The following F8 variants were observed in gnomAD, a reference collection of about 807,000 sequenced individuals.
F8 encodes the protein antihemophilic factor.
F8 carries 12 observed loss-of-function variants against 140.6 expected under a neutral mutation model. That is an observed-to-expected ratio of 0.09 (90% CI 0.05 to 0.14). F8 has a LOEUF of 0.14. Ranked by LOEUF, F8 falls within the 10% of genes least tolerant of loss-of-function variation. The pLI is 1.00. For synonymous variants in F8, 585 were observed against 614.6 expected (o/e 0.95, Z 0.71); for missense variants, 1,354 against 1,720.7 (o/e 0.79, Z 3.77).
intron 22 of F8, among the ~76,000 whole-genome samples, chrX:154,881,627 G>A (rs1195564518): frequency 9.2e-6 from 1 of 108,898 alleles, no homozygotes; most frequent in Non-Finnish European, 1.9e-5. Context: ...TCTTAATCAT[G>A]TACAAAAAGG....
chrX:154,909,612 G>A (rs898662435), intron 14 of F8: 12 of 118,034 alleles, frequency 1.0e-4, no homozygotes, highest in African/African-American at 3.9e-4. Context: ...AGAAGGGCAT[G>A]CTCATGGGTC....
chrX:154,930,824 C>T lies in F8; in HGVS notation c.2966G>A (p.Gly989Asp). 4.1e-6 allele frequency: 5 copies of T among 1,209,994 alleles called. No homozygotes were observed. The highest frequency in any genetic ancestry group is 5.6e-6 in the Non-Finnish European group (5 of 894,005). ...AGCTCTTTTCCCTTTAAATAACCTA[C>T]CACTCTCTGTTGACGATACATTTTT... ...WGKNVSSTES[G>D]RLFKGKRAHG... Residue 989 changes from glycine (G) to aspartate (D), a missense_variant, in exon 14 of 26, where the codon GGT (glycine) becomes GAT (aspartate). By Grantham distance (94) the Gly-to-Asp change is moderately conservative. Around this residue, in one of 4 missense-constraint regions of F8, gnomAD observed 658 missense variants for 666.5 expected, o/e 0.99. Coordinates refer to ENST00000360256, the MANE Select transcript of F8 (RefSeq NM_000132.4).
In F8 at chrX:154,966,948, C is replaced by A. The variant is rs1034723361; in HGVS notation, c.1010-261G>T. Among the ~76,000 whole-genome samples, 3 of 110,277 alleles carry A rather than the reference C, an allele frequency of 2.7e-5. No homozygotes were observed. In the Admixed American group the frequency reaches 2.9e-4, roughly 11 times the overall value. On this transcript the variant is annotated intron_variant, in intron 7 of 25. Coordinates refer to ENST00000360256, the MANE Select transcript of F8 (RefSeq NM_000132.4). ...AGAGAGTGCAAGTTGCCACACACTT[C>A]TGAATGACCAAATATCATGAAGACA...
At chrX:154,972,776 C>T (rs1328157663) in intron 6 of F8, among the ~76,000 whole-genome samples, 2 of 89,022 alleles carry the variant, frequency 2.2e-5, no homozygotes, top group Non-Finnish European at 4.1e-5. Context: ...AGTGCAATAG[C>T]ACGATCTAGG....
At chrX:154,940,931 G>T (rs2073258638) in intron 13 of F8, among the ~76,000 whole-genome samples, 1 of 111,581 alleles carries the variant, frequency 9.0e-6, no homozygotes, top group Admixed American at 9.5e-5. Flanking sequence ...CATAAGTGAA[G>T]GAGAAATAAA....
chrX:154,890,735 G>A (rs986284556), intron 22 of F8, among the ~76,000 whole-genome samples: 1 of 112,121 alleles, frequency 8.9e-6, no homozygotes. Flanking sequence ...ATCATATAAC[G>A]ATTGGAAAAT....
At chrX:154,941,814 G>A (rs1218935027) in intron 13 of F8, among the ~76,000 whole-genome samples, 1 of 108,780 alleles carries the variant, frequency 9.2e-6, no homozygotes, top group Non-Finnish European at 1.9e-5. Context: ...ATAACAAACT[G>A]TCTCTCAGAC....
intron 12 of F8, among the ~76,000 whole-genome samples, chrX:154,950,708 G>A: frequency 1.8e-5 from 2 of 111,924 alleles, no homozygotes; most frequent in South Asian, 7.3e-4. Context: ...GAATTGTGTG[G>A]CAAAGTCTTT....
intron 25 of F8, among the ~76,000 whole-genome samples, chrX:154,847,576 C>T (rs781831997): frequency 9.8e-5 from 11 of 112,355 alleles, no homozygotes; most frequent in East Asian, 2.8e-4. Flanking sequence ...TTGATCGCAT[C>T]GGCTACTAAA....
At chrX:154,982,041 G>GCCCA (rs1557283667) in intron 6 of F8, among the ~76,000 whole-genome samples, 2 of 108,982 alleles carry the variant, frequency 1.8e-5, no homozygotes, top group Admixed American at 2.0e-4. Flanking sequence ...AAAATTAGGT[G>GCCCA]GGCGTGGTGG....
chrX:154,867,076 A>C (rs1379775455), intron 22 of F8, among the ~76,000 whole-genome samples: 2 of 112,007 alleles, frequency 1.8e-5, no homozygotes, highest in Admixed American at 9.5e-5. Context: ...AGTGTCAACA[A>C]ATTGGTTAAC....
chrX:154,952,528 T>C (rs1447696441), intron 12 of F8, among the ~76,000 whole-genome samples: 1 of 109,772 alleles, frequency 9.1e-6, no homozygotes, highest in African/African-American at 3.3e-5. Flanking sequence ...AAGGTTCCCA[T>C]GCATTTCGTT....
chrX:154,915,213 A>G (rs1309090419), intron 14 of F8, among the ~76,000 whole-genome samples: 2 of 111,653 alleles, frequency 1.8e-5, no homozygotes, highest in African/African-American at 6.5e-5. Context: ...CCCATGACCC[A>G]ATCACTTCCC....
chrX:154,968,740 C>T lies in F8; in HGVS notation c.1009+591G>A, dbSNP rs190758924. Among the ~76,000 whole-genome samples, 33 of 111,447 alleles carry T rather than the reference C, an allele frequency of 3.0e-4. No individual in the cohort carries two copies. In the East Asian group the frequency reaches 9.0e-3, roughly 30 times the overall value. On this transcript the variant is annotated intron_variant, in intron 7 of 25. Coordinates refer to ENST00000360256, the MANE Select transcript of F8 (RefSeq NM_000132.4). ...ATGTTACTTCTAAAATTCACTAGCT[C>T]CTGACCTGCCCTCAGTTTCACAGGT...
chrX:154,972,347 T>C (rs1188263662), intron 6 of F8, among the ~76,000 whole-genome samples: 1 of 111,801 alleles, frequency 8.9e-6, no homozygotes, highest in African/African-American at 3.3e-5. Flanking sequence ...TTCAGGTCTT[T>C]TGTTCATTTT....
intron 1 of F8, among the ~76,000 whole-genome samples, chrX:155,015,193 T>C (rs1777080859): frequency 9.0e-6 from 1 of 111,413 alleles, no homozygotes; most frequent in Non-Finnish European, 1.9e-5. Context: ...ATACAGAAAA[T>C]TTAACTCAAA....
At chrX:154,977,723 A>G (rs2073495302) in intron 6 of F8, among the ~76,000 whole-genome samples, 1 of 110,478 alleles carries the variant, frequency 9.1e-6, no homozygotes, top group South Asian at 3.8e-4. Context: ...TTTGACTATA[A>G]TGTGCCCTGG....
At chrX:154,841,520 A>G (rs1203057528) in intron 25 of F8, among the ~76,000 whole-genome samples, 2 of 110,469 alleles carry the variant, frequency 1.8e-5, no homozygotes, top group Non-Finnish European at 3.8e-5. Flanking sequence ...CAGAAATACA[A>G]TTAATTTTGG....
chrX:154,958,424 C>T lies in F8; in HGVS notation c.1538-1253G>A, dbSNP rs1351308220. ...GCTCCACTCTTGCCCTCTCTTCTTGCCCACTATTATGGGCATTACAGCCTT... is the reference window on the plus strand; with the variant it reads ...GCTCCACTCTTGCCCTCTCTTCTTGTCCACTATTATGGGCATTACAGCCTT... On this transcript the variant is annotated intron_variant, in intron 10 of 25. Transcript: ENST00000360256. Among the ~76,000 whole-genome samples the T allele has an allele frequency of 2.7e-5, 3 of 111,586 alleles. No homozygotes were observed. The Admixed American group carries it at 2.9e-4, about 11-fold the overall frequency.
Sources: allele counts gnomAD v4.1 joint callset (sites outside exome capture counted in the v4.1 genomes callset), GRCh38; gene constraint gnomAD v4.1.1; regional missense constraint gnomAD v4.1.1; transcripts MANE v1.5; gene names NCBI Gene and HGNC (gene_info 2026-07-23, HGNC 2026-07-21).